AP2B1: variants seen among roughly 807,000 people sequenced by gnomAD.
The protein encoded by AP2B1 is adaptor related protein complex 2 subunit beta 1.
Under a neutral mutation model 102.0 loss-of-function variants are expected in AP2B1, and 23 were observed. That is an observed-to-expected ratio of 0.23 (90% CI 0.16 to 0.32). The LOEUF is 0.32. Ranked by LOEUF, AP2B1 falls within the 10% of genes least tolerant of loss-of-function variation. The probability of loss-of-function intolerance (pLI) is 1.00; values close to 1 mark genes in which losing one functional copy is unlikely to be tolerated. For missense variants in AP2B1, 541 were observed against 1,157.4 expected (o/e 0.47, Z 7.73); for synonymous variants, 381 against 421.2 (o/e 0.90, Z 1.17).
intron 4 of AP2B1, among the ~76,000 whole-genome samples, chr17:35,606,104 G>A (rs982585278): frequency 1.3e-5 from 2 of 152,080 alleles, no homozygotes; most frequent in Admixed American, 6.6e-5. Flanking sequence ...ACAAAGGTGG[G>A]CATATCATTG....
chr17:35,619,858 T>G (rs868021089), intron 5 of AP2B1, among the ~76,000 whole-genome samples: 58 of 152,224 alleles, frequency 3.8e-4, no homozygotes, highest in African/African-American at 1.4e-3. Context: ...GATCTTGGCT[T>G]ACCGCAACCT....
chr17:35,698,841 TC>T (rs1479058499), intron 18 of AP2B1, among the ~76,000 whole-genome samples: 1 of 152,248 alleles, frequency 6.6e-6, no homozygotes, highest in African/African-American at 2.4e-5. Context: ...TGCTTTGGAC[TC>T]CCATTTGACA....
intron 20 of AP2B1, among the ~76,000 whole-genome samples, chr17:35,711,732 A>G (rs587757649): frequency 1.6e-4 from 24 of 152,292 alleles, no homozygotes; most frequent in African/African-American, 5.1e-4. Context: ...CGGCCTCCCA[A>G]AGTGCTGGGA....
intron 9 of AP2B1, among the ~76,000 whole-genome samples, chr17:35,635,330 C>T (rs1453434498): frequency 6.6e-6 from 1 of 152,112 alleles, no homozygotes; most frequent in Non-Finnish European, 1.5e-5. Flanking sequence ...GCTGGGATTA[C>T]AGGCACAAGC....
In AP2B1 at chr17:35,589,569, T is replaced by C. The variant is rs112711101; in HGVS notation, c.-24+2141T>C. 4.0e-3 allele frequency among the ~76,000 whole-genome samples: 614 copies of C among 152,322 alleles called. 6 individuals carry two copies. The highest frequency in any genetic ancestry group is 0.014 in the African/African-American group (584 of 41,570). On this transcript the variant is annotated intron_variant, in intron 1 of 21. Transcript: ENST00000610402. Reference sequence around the variant, plus strand: ...AACCTATATTTGGTAGAAACTAGGTTATGTTAAATCTGGATATATAGTCCT... The same window carrying C: ...AACCTATATTTGGTAGAAACTAGGTCATGTTAAATCTGGATATATAGTCCT...
rs147113625 is a variant in AP2B1 at position 35,699,938 on chromosome 17, A to T, written c.2455-9286A>T. Among the ~76,000 whole-genome samples, 3 of 152,092 alleles carry T rather than the reference A, an allele frequency of 2.0e-5. No homozygotes were observed. In the East Asian group the frequency reaches 5.8e-4, roughly 30 times the overall value. Reference sequence around the variant, plus strand: ...AGTATGTAGACTAGTGTCTACAAAAATAACAGAGTTAGCCAAGCATGGTGG... The same window carrying T: ...AGTATGTAGACTAGTGTCTACAAAATTAACAGAGTTAGCCAAGCATGGTGG... On this transcript the variant is annotated intron_variant, in intron 18 of 21. Coordinates refer to ENST00000610402, the MANE Select transcript of AP2B1 (RefSeq NM_001030006.2).
chr17:35,719,618 T>A (rs2085296473), intron 21 of AP2B1, among the ~76,000 whole-genome samples: 1 of 152,066 alleles, frequency 6.6e-6, no homozygotes. Flanking sequence ...CCACAGTTTC[T>A]CCATTCATCC....
At chr17:35,608,003 G>A (rs1042824314) in intron 4 of AP2B1, 139 bp from the exon 5 acceptor site, 4 of 991,670 alleles carry the variant, frequency 4.0e-6, no homozygotes, top group Non-Finnish European at 5.9e-6. Flanking sequence ...GAAAGGAATA[G>A]CATGGAAGAT....
At chr17:35,720,573 ATTTTTTTTTTTTT>A (rs1208973388) in intron 21 of AP2B1, among the ~76,000 whole-genome samples, 5 of 28,068 alleles carry the variant, frequency 1.8e-4, no homozygotes, top group East Asian at 1.2e-3. Context: ...ATATATATAT[ATTTTTTTTTTTTT>A]TTTTTTTTTT....
At chr17:35,632,283 C>T (rs1300821486) in intron 9 of AP2B1, among the ~76,000 whole-genome samples, 1 of 151,920 alleles carries the variant, frequency 6.6e-6, no homozygotes, top group Non-Finnish European at 1.5e-5. Context: ...TACAGACATG[C>T]ACCACCATGC....
chr17:35,686,902 G>A (rs934372530), intron 18 of AP2B1, among the ~76,000 whole-genome samples: 3 of 152,240 alleles, frequency 2.0e-5, no homozygotes, highest in South Asian at 4.1e-4. Context: ...GCGTGAACCC[G>A]GGAGGCGGAG....
At chr17:35,685,313 G>A (rs2075908225) in intron 18 of AP2B1, among the ~76,000 whole-genome samples, 1 of 152,144 alleles carries the variant, frequency 6.6e-6, no homozygotes, top group Non-Finnish European at 1.5e-5. Context: ...GCTAGCTTAG[G>A]GATGTGTAGG....
chr17:35,597,306 C>T (rs1242818513), intron 2 of AP2B1, among the ~76,000 whole-genome samples: 1 of 152,040 alleles, frequency 6.6e-6, no homozygotes, highest in African/African-American at 2.4e-5. Context: ...GTTTTTTTTC[C>T]GTTTCTTTTA....
At chr17:35,712,749 A>G (rs371915136) in intron 20 of AP2B1, among the ~76,000 whole-genome samples, 42 of 152,394 alleles carry the variant, frequency 2.8e-4, no homozygotes, top group African/African-American at 8.9e-4. Flanking sequence ...TTAGCAGACT[A>G]AAAGTTCTGA....
chr17:35,720,367 G>A (rs374680955), intron 21 of AP2B1, among the ~76,000 whole-genome samples: 3 of 151,434 alleles, frequency 2.0e-5, no homozygotes, highest in African/African-American at 7.3e-5. Flanking sequence ...TCCTAAACCA[G>A]AAGAGAGGGT....
intron 9 of AP2B1, among the ~76,000 whole-genome samples, chr17:35,631,359 TA>T (rs1245509156): frequency 6.6e-6 from 1 of 152,178 alleles, no homozygotes; most frequent in Non-Finnish European, 1.5e-5. Context: ...GTTTACTATA[TA>T]TAATTATAGA....
At chr17:35,601,048 A>G (rs532484620) in intron 3 of AP2B1, 3 of 977,682 alleles carry the variant, frequency 3.1e-6, no homozygotes, top group African/African-American at 1.8e-5. Context: ...GGAGTTGGCA[A>G]ACGTTTTTGT....
At chr17:35,674,805 T>C (rs1567959536) in intron 17 of AP2B1, among the ~76,000 whole-genome samples, 1 of 152,258 alleles carries the variant, frequency 6.6e-6, no homozygotes, top group Non-Finnish European at 1.5e-5. Context: ...CTGGAGGCAC[T>C]AGGGAGTTTG....
At chr17:35,681,622 CG>C (rs903115175) in intron 17 of AP2B1, among the ~76,000 whole-genome samples, 13 of 152,100 alleles carry the variant, frequency 8.5e-5, no homozygotes, top group African/African-American at 2.7e-4. Flanking sequence ...AGTAAAGACA[CG>C]GTCTCATTAT....
Sources: allele counts gnomAD v4.1 joint callset (sites outside exome capture counted in the v4.1 genomes callset), GRCh38; gene constraint gnomAD v4.1.1; transcripts MANE v1.5; gene names NCBI Gene and HGNC (gene_info 2026-07-23, HGNC 2026-07-21).